Variants in CASD1 observed in about 807,000 individuals in gnomAD.
CASD1 encodes the protein CAS1 domain sialic acid O acetyltransferase 1, also known as N-acetylneuraminate (7)9-O-acetyltransferase.
A neutral mutation model predicts 100.0 loss-of-function variants in CASD1; 41 were observed. That is an observed-to-expected ratio of 0.41 (90% CI 0.32 to 0.53). The LOEUF is 0.53. Among genes scored for constraint, CASD1 ranks in the 20% least tolerant of loss-of-function variants. The pLI is 0.25. For synonymous variants in CASD1, 321 were observed against 315.6 expected (o/e 1.02, Z -0.18); for missense variants, 774 against 948.7 (o/e 0.82, Z 2.42).
chr7:94,615,481 T>C, the CASD1 span, among the ~76,000 whole-genome samples: 1 of 152,148 alleles, frequency 6.6e-6, no homozygotes, highest in Non-Finnish European at 1.5e-5. Context: ...CTACTGAAAT[T>C]GGCCCAGGAT....
In CASD1 at chr7:94,554,496, TC is replaced by T. The variant is rs1796108831; in HGVS notation, c.2050del (p.Leu684Ter). Reference protein sequence around the residue: ...SVSVVQILAFILIRNIPGYAR... With the variant: ...SVSVVQILAFXLIRNIPGYAR... Reference sequence around the variant, plus strand: ...CTTTTTCTTTAGATTTTAGCCTTCATCCTAATAAGAAACATCCCTGGATATG... The same window carrying T: ...CTTTTTCTTTAGATTTTAGCCTTCATCTAATAAGAAACATCCCTGGATATG... On this transcript the variant is annotated frameshift_variant, in exon 17 of 18. Transcript: ENST00000297273. LOFTEE classifies it high-confidence loss of function. 1 of 1,608,778 alleles carries T rather than the reference TC, an allele frequency of 6.2e-7. No individual in the cohort carries two copies. Among genetic ancestry groups the T allele is most frequent in the African/African-American group, 1.3e-5 (1 of 74,720 alleles).
the CASD1 span, chr7:94,588,382 T>C: frequency 8.6e-7 from 1 of 1,157,950 alleles, no homozygotes; most frequent in South Asian, 2.3e-5. Context: ...CTAAGAATCT[T>C]TCATACCAAG....
chr7:94,577,811 G>A, the CASD1 span, among the ~76,000 whole-genome samples: 1 of 152,180 alleles, frequency 6.6e-6, no homozygotes, highest in Non-Finnish European at 1.5e-5. Context: ...TACTGGGAGA[G>A]CTCTGAGTCA....
At chr7:94,590,870 C>T in the CASD1 span, 10 of 152,154 alleles carry the variant, frequency 6.6e-5, no homozygotes, top group Middle Eastern at 3.4e-3. Context: ...CCAAATACAA[C>T]AATCTAAAGT....
chr7:94,536,873 A>G (rs1169090809), intron 8 of CASD1, among the ~76,000 whole-genome samples: 1 of 152,204 alleles, frequency 6.6e-6, no homozygotes, highest in Admixed American at 6.5e-5. Context: ...TTAACATTAG[A>G]TATCTTAAAA....
At chr7:94,609,042 C>T in the CASD1 span, among the ~76,000 whole-genome samples, 1 of 152,058 alleles carries the variant, frequency 6.6e-6, no homozygotes, top group Admixed American at 6.6e-5. Flanking sequence ...AAGGCACAAT[C>T]CATGAAAGAA....
the CASD1 span, among the ~76,000 whole-genome samples, chr7:94,577,251 T>G: frequency 6.6e-6 from 1 of 152,288 alleles, no homozygotes; most frequent in African/African-American, 2.4e-5. Flanking sequence ...AAACTGGATC[T>G]TTTAAATAAT....
At chr7:94,586,052 G>A in the CASD1 span, among the ~76,000 whole-genome samples, 1 of 6,706 alleles carries the variant, frequency 1.5e-4, no homozygotes, top group African/African-American at 7.1e-4. Context: ...AGAAAACAAG[G>A]AACTAAATGA....
At chr7:94,632,852 G>A in the CASD1 span, among the ~76,000 whole-genome samples, 100 of 152,048 alleles carry the variant, frequency 6.6e-4, no homozygotes, top group African/African-American at 2.1e-3. Flanking sequence ...TGTTCTAAAC[G>A]TGAGCTATAT....
At chr7:94,560,282 G>C (rs1432639444), downstream of CASD1, among the ~76,000 whole-genome samples, 3 of 152,158 alleles carry the variant, frequency 2.0e-5, no homozygotes, top group Non-Finnish European at 4.4e-5. Context: ...GTTATTTCTG[G>C]TGTTGAGAGA....
the CASD1 span, among the ~76,000 whole-genome samples, chr7:94,583,630 A>G: frequency 6.6e-6 from 1 of 152,300 alleles, no homozygotes; most frequent in East Asian, 1.9e-4. Flanking sequence ...AAAAGCCACA[A>G]ACTTTTAGGG....
the CASD1 span, among the ~76,000 whole-genome samples, chr7:94,566,402 TATAAA>T: frequency 1.3e-5 from 2 of 151,868 alleles, no homozygotes; most frequent in East Asian, 3.9e-4. Context: ...TTATAATACT[TATAAA>T]AAAGAAATAT....
the CASD1 span, chr7:94,626,800 T>C: frequency 6.6e-6 from 1 of 152,048 alleles, no homozygotes; most frequent in Non-Finnish European, 1.5e-5. Context: ...CATTTTACTA[T>C]GAAGAATGAT....
rs777347601 is a variant in CASD1 at position 94,533,715 on chromosome 7, C to T, written c.541C>T (p.Leu181Phe). 26 of 1,605,332 alleles carry T rather than the reference C, an allele frequency of 1.6e-5. No individual in the cohort carries two copies. The highest frequency in any genetic ancestry group is 2.2e-5 in the Non-Finnish European group (26 of 1,175,886). Residue 181 changes from leucine to phenylalanine, a missense_variant, in exon 7 of 18, where the codon CTT becomes TTT. Around this residue, in one of 5 missense-constraint regions of CASD1, gnomAD observed 453 missense variants for 532.6 expected, o/e 0.85. Transcript: ENST00000297273. ...GATTCACAATGGTAGCAGTGAAGCGCTTTCTCAATATAAAATGAACATCAC... is the reference window on the plus strand; with the variant it reads ...GATTCACAATGGTAGCAGTGAAGCGTTTTCTCAATATAAAATGAACATCAC... The part of the protein sequence containing the change: ...IKIHNGSSEA[L>F]SQYKMNITSI...
chr7:94,520,898 C>A (rs993490908), intron 3 of CASD1, among the ~76,000 whole-genome samples: 31 of 152,110 alleles, frequency 2.0e-4, no homozygotes, highest in East Asian at 1.9e-4. Context: ...TCGAGACCAT[C>A]CTGGCCAACA....
chr7:94,630,584 A>G, the CASD1 span, among the ~76,000 whole-genome samples: 2 of 151,938 alleles, frequency 1.3e-5, no homozygotes, highest in Non-Finnish European at 2.9e-5. Context: ...CCAGTTACTT[A>G]AGACATATGA....
chr7:94,609,776 G>A, the CASD1 span, among the ~76,000 whole-genome samples: 1 of 152,306 alleles, frequency 6.6e-6, no homozygotes, highest in Non-Finnish European at 1.5e-5. Flanking sequence ...GCAAGATGGT[G>A]TAGCCAATTT....
the CASD1 span, chr7:94,628,305 T>G: frequency 6.2e-7 from 1 of 1,611,938 alleles, no homozygotes; most frequent in Non-Finnish European, 8.5e-7. Context: ...TCCAGGTCGG[T>G]CTGGGTAACC....
chr7:94,531,266 A>C (rs1210615410), intron 5 of CASD1, among the ~76,000 whole-genome samples: 4 of 152,128 alleles, frequency 2.6e-5, no homozygotes, highest in African/African-American at 9.7e-5. Context: ...ATAGCTCCAG[A>C]AGTGAAAAGG....
Sources: gnomAD v4.1 joint callset for allele counts (sites outside exome capture counted in the v4.1 genomes callset) on GRCh38, gnomAD v4.1.1 for gene constraint, gnomAD v4.1.1 regional missense constraint, MANE v1.5 for transcripts, NCBI Gene and HGNC (gene_info 2026-07-23, HGNC 2026-07-21) for gene names.